Variants in COL27A1 observed in about 807,000 individuals in gnomAD.
COL27A1 encodes collagen alpha-1(XXVII) chain.
A neutral mutation model predicts 251.3 loss-of-function variants in COL27A1; 106 were observed. The ratio of observed to expected loss-of-function variants is 0.42; its 90% CI spans 0.36 to 0.50. COL27A1 has a LOEUF of 0.50. Ranked by LOEUF, COL27A1 falls within the 20% of genes least tolerant of loss-of-function variation. COL27A1 has a pLI of 0.00. For synonymous variants in COL27A1, 1,000 were observed against 986.3 expected (o/e 1.01, Z -0.26); for missense variants, 2,325 against 2,522.8 (o/e 0.92, Z 1.68).
chr9:114,275,861 G>C (rs955162694), intron 37 of COL27A1, 93 bp downstream of exon 37: 1 of 772,004 alleles, frequency 1.3e-6, no homozygotes, highest in African/African-American at 1.8e-5. Context: ...GCTTTTGGTC[G>C]TGCCACTGAA....
intron 5 of COL27A1, among the ~76,000 whole-genome samples, chr9:114,191,009 T>C (rs114820621): frequency 0.029 from 4,475 of 152,320 alleles, 162 homozygotes; most frequent in African/African-American, 0.078. Context: ...TACCTTCACC[T>C]GTCTAGGGGT....
intron 36 of COL27A1, 171 bp downstream of exon 36, chr9:114,270,952 T>A: frequency 3.3e-6 from 2 of 609,270 alleles, no homozygotes; most frequent in Non-Finnish European, 5.8e-6. Flanking sequence ...AGCAGCCACC[T>A]CCCACCCTGC....
rs139991707 is a variant in COL27A1, at chr9:114,178,333, C to T, written c.1951C>T (p.Arg651Cys). 1.1e-5 allele frequency: 18 copies of T among 1,613,924 alleles called. No individual in the cohort carries two copies. Among genetic ancestry groups the T allele is most frequent in the African/African-American group, 6.7e-5 (5 of 74,906 alleles). The change falls in exon 4 of 61, where the codon CGT (arginine) becomes TGT (cysteine). Residue 651 changes from arginine (R) to cysteine (C), a missense_variant. Physicochemically the swap from Arg to Cys is radical, Grantham distance 180 (BLOSUM62 -3). Transcript: ENST00000356083. ...TGGGCTACCTGGAATCCCTGGTGCA[C>T]GTGGGCCTCGGGTGAGTTATCTCAC... ...LPGLPGIPGARGPRGPPGPYG... is the reference protein window; with the variant it reads ...LPGLPGIPGACGPRGPPGPYG...
At position 114,241,514 on chromosome 9, in the gene COL27A1, G is replaced by T. The variant is rs181371499; in HGVS notation, c.2836-673G>T. Among the ~76,000 whole-genome samples the T allele has an allele frequency of 1.8e-4, 27 of 152,356 alleles. No homozygotes were observed. The East Asian group carries it at 4.6e-3, about 26-fold the overall frequency. ...TAGGAGGCTGCCTGAGCCTGTGGGGGTGGGGAGCACCTGGAGAGTCTCATG... is the reference window on the plus strand; with the variant it reads ...TAGGAGGCTGCCTGAGCCTGTGGGGTTGGGGAGCACCTGGAGAGTCTCATG... On this transcript the variant is annotated intron_variant, in intron 21 of 60. Transcript: ENST00000356083.
At chr9:114,238,761 G>C (rs1832562752) in intron 19 of COL27A1, among the ~76,000 whole-genome samples, 2 of 152,134 alleles carry the variant, frequency 1.3e-5, no homozygotes, top group South Asian at 4.1e-4. Flanking sequence ...TGGCCCGTGA[G>C]GGTGGAAGGC....
At chr9:114,293,702 T>C (rs1044091628) in intron 49 of COL27A1, among the ~76,000 whole-genome samples, 12 of 152,116 alleles carry the variant, frequency 7.9e-5, no homozygotes, top group African/African-American at 2.2e-4. Flanking sequence ...ACTACAGATA[T>C]GACAGAAATT....
Position 114,290,852 on chromosome 9 carries a change from G to C in COL27A1, c.4411G>C (p.Ala1471Pro). The part of the protein sequence containing the change: ...DDGDPGPMGP[A>P]GKRGNPGVAG... The stretch of plus-strand genomic sequence containing the variant: ...TGGGGACCCTGGCCCCATGGGCCCT[G>C]CTGGGAAGAGAGGAAATCCAGGTGT... Residue 1471 changes from alanine (A) to proline (P), a missense_variant, in exon 48 of 61, where the codon GCT becomes CCT. This residue lies in a region of COL27A1 where 153 missense variants were observed against 140.7 expected (regional missense o/e 1.09). Coordinates refer to ENST00000356083, the MANE Select transcript of COL27A1 (RefSeq NM_032888.4). This position sits in a 1 kb window ranked among gnomAD's most constrained non-coding sequence, Gnocchi z 4.6. 2.6e-6 allele frequency: 4 copies of C among 1,551,788 alleles called. No individual in the cohort carries two copies. Among genetic ancestry groups the C allele is most frequent in the Non-Finnish European group, 2.6e-6 (3 of 1,146,982 alleles).
chr9:114,188,911 C>A (rs1287250360), intron 5 of COL27A1, among the ~76,000 whole-genome samples: 3 of 152,008 alleles, frequency 2.0e-5, no homozygotes, highest in Non-Finnish European at 4.4e-5. Flanking sequence ...TGGGATGTTG[C>A]CATTTGTTAT....
chr9:114,193,040 T>C (rs575331156), intron 5 of COL27A1, among the ~76,000 whole-genome samples: 1 of 152,312 alleles, frequency 6.6e-6, no homozygotes, highest in East Asian at 1.9e-4. Flanking sequence ...TGCGCATGTG[T>C]GGTCCCCACT....
At chr9:114,296,287 A>T (rs1315038003) in intron 49 of COL27A1, among the ~76,000 whole-genome samples, 3 of 152,228 alleles carry the variant, frequency 2.0e-5, no homozygotes, top group Non-Finnish European at 1.5e-5. Flanking sequence ...CTGGAAGAAA[A>T]TATTTCTAAA....
At chr9:114,264,469 C>G in intron 29 of COL27A1, 61 bp downstream of exon 29, 1 of 1,311,922 alleles carries the variant, frequency 7.6e-7, no homozygotes, top group South Asian at 1.4e-5. Flanking sequence ...GAATCGTGAA[C>G]AAGGCTCACA....
intron 35 of COL27A1, among the ~76,000 whole-genome samples, chr9:114,270,447 G>T (rs1278034051): frequency 1.3e-5 from 2 of 152,168 alleles, no homozygotes; most frequent in African/African-American, 2.4e-5. Context: ...GTGACCTCAT[G>T]TAGCCCCCAC....
chr9:114,239,100 G>A (rs1008053886), intron 19 of COL27A1, among the ~76,000 whole-genome samples: 7 of 150,258 alleles, frequency 4.7e-5, no homozygotes, highest in South Asian at 2.1e-4. Flanking sequence ...GCTGATAAGC[G>A]CGGAAGCTGA....
chr9:114,252,371 G>A (rs1471010269), intron 25 of COL27A1, among the ~76,000 whole-genome samples: 1 of 152,226 alleles, frequency 6.6e-6, no homozygotes, highest in Non-Finnish European at 1.5e-5. Context: ...TACAGGGGAT[G>A]CTGAGGCCTT....
chr9:114,244,210 C>T (rs190315085), intron 23 of COL27A1, among the ~76,000 whole-genome samples: 3 of 152,112 alleles, frequency 2.0e-5, no homozygotes, highest in East Asian at 3.9e-4. Context: ...GTCAAGAGAT[C>T]GAAACTATCC....
rs1833646040 is a variant in COL27A1 at position 114,252,987 on chromosome 9, G to A, written c.3141+55G>A. 3.5e-6 allele frequency: 5 copies of A among 1,432,956 alleles called. 1 individual carries two copies. In the South Asian group the frequency reaches 3.7e-5, roughly 11 times the overall value. The allele number at this position is 1,432,956 out of a possible 1,614,324, so 88.8% of individuals were successfully genotyped here. A position where few individuals can be genotyped will look rare whatever the true frequency, so the allele number is the denominator to read the frequency against. ...CAAACCACTGTCAGATAAGGGTTAGGTGGCTGGGTGTGGTGGCTCACACCT... is the reference window on the plus strand; with the variant it reads ...CAAACCACTGTCAGATAAGGGTTAGATGGCTGGGTGTGGTGGCTCACACCT... On this transcript the variant is annotated intron_variant, in intron 27 of 60. Transcript: ENST00000356083.
intron 4 of COL27A1, among the ~76,000 whole-genome samples, chr9:114,181,088 G>A (rs1338618727): frequency 6.6e-6 from 1 of 152,194 alleles, no homozygotes; most frequent in Non-Finnish European, 1.5e-5. Flanking sequence ...AGCCTGGGCT[G>A]GGGTGAACAT....
chr9:114,182,179 AT>A (rs1363629425), intron 4 of COL27A1, among the ~76,000 whole-genome samples: 24 of 91,760 alleles, frequency 2.6e-4, no homozygotes, highest in African/African-American at 6.9e-4. Flanking sequence ...TCTCTATAAA[AT>A]AATAATAATA....
chr9:114,222,868 A>C (rs1447278358), intron 14 of COL27A1, among the ~76,000 whole-genome samples: 1 of 152,130 alleles, frequency 6.6e-6, no homozygotes, highest in African/African-American at 2.4e-5. Flanking sequence ...ATCATCCTGG[A>C]GTGGCCATGA....
Sources: allele counts gnomAD v4.1 joint callset (sites outside exome capture counted in the v4.1 genomes callset), GRCh38; gene constraint gnomAD v4.1.1; regional missense constraint gnomAD v4.1.1; non-coding constraint Gnocchi (gnomAD v3.1); transcripts MANE v1.5; gene names NCBI Gene and HGNC (gene_info 2026-07-23, HGNC 2026-07-21).